SPATS2L: variants seen among roughly 807,000 people sequenced by gnomAD.
SPATS2L encodes spermatogenesis associated serine rich 2 like, also known as SPATS2-like protein.
SPATS2L carries 30 observed loss-of-function variants against 59.6 expected under a neutral mutation model. The observed-to-expected ratio is 0.50, with a 90% CI of 0.38 to 0.68. The LOEUF is 0.68. Among genes scored for constraint, SPATS2L ranks in the 30% least tolerant of loss-of-function variants. The pLI, the probability that SPATS2L is intolerant of heterozygous loss-of-function variation, is 0.00. For synonymous variants in SPATS2L, 252 were observed against 263.5 expected, an observed-to-expected ratio of 0.96 and a Z score of 0.42; for missense variants, 615 against 700.0, an observed-to-expected ratio of 0.88 and a Z score of 1.37.
chr2:200,433,313 C>G (rs987463101), intron 6 of SPATS2L, among the ~76,000 whole-genome samples: 1 of 152,014 alleles, frequency 6.6e-6, no homozygotes, highest in African/African-American at 2.4e-5. Context: ...TTGAACAATA[C>G]TATCAACCAA....
intron 2 of SPATS2L, among the ~76,000 whole-genome samples, chr2:200,367,794 T>A (rs191993494): frequency 1.3e-5 from 2 of 152,238 alleles, no homozygotes; most frequent in Admixed American, 1.3e-4. Flanking sequence ...ATCAACTGAA[T>A]CACATTGTAA....
At chr2:200,440,611 A>G (rs2084630588) in intron 7 of SPATS2L, 38 bp from the exon 8 acceptor site, 1 of 1,594,888 alleles carries the variant, frequency 6.3e-7, no homozygotes, top group Non-Finnish European at 8.6e-7. Context: ...AAAGGATTAA[A>G]TGCTCAAGTT....
chr2:200,475,526 C>T (rs1225868048), intron 12 of SPATS2L, among the ~76,000 whole-genome samples: 1 of 152,192 alleles, frequency 6.6e-6, no homozygotes, highest in East Asian at 1.9e-4. Flanking sequence ...TTTTGAGTTT[C>T]TGATTAGCCT....
intron 10 of SPATS2L, among the ~76,000 whole-genome samples, chr2:200,468,110 T>C (rs35564087): frequency 4.9e-3 from 745 of 151,976 alleles, no homozygotes; most frequent in Middle Eastern, 0.014. Context: ...CCCACTTGGC[T>C]CGGATCCCTA....
At chr2:200,347,880 A>AT (rs1318072003) in intron 2 of SPATS2L, among the ~76,000 whole-genome samples, 11 of 152,334 alleles carry the variant, frequency 7.2e-5, no homozygotes, top group Non-Finnish European at 1.6e-4. Flanking sequence ...ATTAATCTGG[A>AT]TTAGCTATCA....
At chr2:200,402,951 C>T (rs1003134449) in intron 3 of SPATS2L, among the ~76,000 whole-genome samples, 5 of 152,158 alleles carry the variant, frequency 3.3e-5, no homozygotes, top group Non-Finnish European at 7.3e-5. Context: ...TAAAACATAA[C>T]AGTTGGCTGG....
chr2:200,455,517 CATCTG>C (rs1349598575), intron 8 of SPATS2L, among the ~76,000 whole-genome samples: 1 of 152,162 alleles, frequency 6.6e-6, no homozygotes. Flanking sequence ...CCTGGCCCAC[CATCTG>C]CACTCAGAAA....
chr2:200,384,283 A>G (rs1289023115), intron 2 of SPATS2L, among the ~76,000 whole-genome samples: 4 of 152,174 alleles, frequency 2.6e-5, no homozygotes, highest in Admixed American at 6.5e-5. Context: ...GATCAGTTCA[A>G]TATAATTTTG....
At chr2:200,393,049 A>G (rs566831764) in intron 3 of SPATS2L, 12 of 349,836 alleles carry the variant, frequency 3.4e-5, no homozygotes, top group South Asian at 2.6e-4. Context: ...TCTTCATATA[A>G]TGTCTGAACT....
chr2:200,454,809 C>G (rs1224649883), intron 8 of SPATS2L, among the ~76,000 whole-genome samples: 3 of 152,186 alleles, frequency 2.0e-5, no homozygotes, highest in Non-Finnish European at 4.4e-5. Flanking sequence ...CTGGTGCCCT[C>G]CAGAGGGCTT....
chr2:200,339,617 C>T (rs2080255520), intron 2 of SPATS2L, among the ~76,000 whole-genome samples: 1 of 152,022 alleles, frequency 6.6e-6, no homozygotes, highest in Non-Finnish European at 1.5e-5. Context: ...TGTATAGTAT[C>T]CATAGATAAA....
At chr2:200,364,507 C>A (rs556490448) in intron 2 of SPATS2L, among the ~76,000 whole-genome samples, 2 of 152,272 alleles carry the variant, frequency 1.3e-5, no homozygotes, top group East Asian at 3.9e-4. Context: ...TCAGTGGCAA[C>A]TGTCAAGTCT....
rs149336182 is a variant in SPATS2L at position 200,413,872 on chromosome 2, A to G, written c.148+1453A>G. 4.1e-3 allele frequency among the ~76,000 whole-genome samples: 619 copies of G among 152,326 alleles called. 8 individuals are homozygous for G. Among genetic ancestry groups the G allele is most frequent in the Non-Finnish European group, 2.3e-3 (159 of 68,030 alleles). ...TTCTCACTGTTTTTTCCTGCTTCAT[A>G]TACTAAGAGATACATAATTTTTAGT... On this transcript the variant is annotated intron_variant, in intron 4 of 12. Transcript: ENST00000409140.
intron 3 of SPATS2L, among the ~76,000 whole-genome samples, chr2:200,400,446 C>T (rs2082489650): frequency 6.6e-6 from 1 of 152,128 alleles, no homozygotes; most frequent in South Asian, 2.1e-4. Context: ...GTATTAAGCT[C>T]ATTGCTTGTT....
chr2:200,323,217 C>A (rs997939091), intron 1 of SPATS2L, among the ~76,000 whole-genome samples: 3 of 152,130 alleles, frequency 2.0e-5, no homozygotes, highest in Non-Finnish European at 4.4e-5. Flanking sequence ...CTGTCTACCC[C>A]TGGGCAAACA....
At chr2:200,465,908 T>C (rs1446561263) in intron 9 of SPATS2L, among the ~76,000 whole-genome samples, 4 of 152,116 alleles carry the variant, frequency 2.6e-5, no homozygotes, top group Non-Finnish European at 5.9e-5. Flanking sequence ...GGCGGGCGCC[T>C]GTAGTCCCAG....
At chr2:200,372,668 G>A (rs950018768) in intron 2 of SPATS2L, among the ~76,000 whole-genome samples, 40 of 152,100 alleles carry the variant, frequency 2.6e-4, no homozygotes, top group African/African-American at 9.4e-4. Context: ...CCCTTAATTT[G>A]TATTGAACCA....
chr2:200,333,049 G>A (rs2080004359), intron 2 of SPATS2L, among the ~76,000 whole-genome samples: 1 of 152,090 alleles, frequency 6.6e-6, no homozygotes, highest in South Asian at 2.1e-4. Flanking sequence ...GGGAGGCCAA[G>A]GCTGGGGGGT....
intron 9 of SPATS2L, chr2:200,461,249 C>G (rs1433312649): frequency 6.6e-6 from 1 of 152,102 alleles, no homozygotes; most frequent in Non-Finnish European, 1.5e-5. Flanking sequence ...CTTAATGTAC[C>G]AAATTCTCTG....
Sources: gnomAD v4.1 joint callset for allele counts (sites outside exome capture counted in the v4.1 genomes callset) on GRCh38, gnomAD v4.1.1 for gene constraint, MANE v1.5 for transcripts, NCBI Gene and HGNC (gene_info 2026-07-23, HGNC 2026-07-21) for gene names.